The following ZMYND8 variants were observed in gnomAD, a reference collection of about 807,000 sequenced individuals.
ZMYND8 encodes MYND-type zinc finger-containing chromatin reader ZMYND8.
Under a neutral mutation model 140.8 loss-of-function variants are expected in ZMYND8, and 37 were observed. The ratio of observed to expected loss-of-function variants is 0.26; its 90% CI spans 0.20 to 0.35. The LOEUF is 0.35. Ranked by LOEUF, ZMYND8 falls within the 10% of genes least tolerant of loss-of-function variation. The pLI is 1.00. For synonymous variants in ZMYND8, 592 were observed against 597.1 expected (o/e 0.99, Z 0.12); for missense variants, 1,068 against 1,570.0 (o/e 0.68, Z 5.40).
At chr20:47,352,591 G>A in intron 1 of ZMYND8, 2 of 968,078 alleles carry the variant, frequency 2.1e-6, no homozygotes, top group Non-Finnish European at 2.5e-6. Flanking sequence ...GTCATTTACT[G>A]TTACAGGTCT....
intron 2 of ZMYND8, among the ~76,000 whole-genome samples, chr20:47,342,652 C>G (rs1325056836): frequency 6.6e-6 from 1 of 151,392 alleles, no homozygotes; most frequent in Non-Finnish European, 1.5e-5. Flanking sequence ...TCGAGACTAG[C>G]CTGGCCAACA....
intron 14 of ZMYND8, among the ~76,000 whole-genome samples, chr20:47,240,331 A>G (rs1296323510): frequency 6.6e-6 from 1 of 152,030 alleles, no homozygotes; most frequent in African/African-American, 2.4e-5. Flanking sequence ...CCTGGCCAAC[A>G]TAGTGAAACC....
chr20:47,288,515 T>G (rs770844115), intron 7 of ZMYND8, among the ~76,000 whole-genome samples: 25 of 150,458 alleles, frequency 1.7e-4, no homozygotes, highest in Admixed American at 1.3e-3. Context: ...CGCCTCAGCC[T>G]CCAGAGTAGC....
chr20:47,239,196 C>T, intron 14 of ZMYND8, 58 bp from the exon 15 acceptor site: 1 of 1,479,352 alleles, frequency 6.8e-7, no homozygotes, highest in Non-Finnish European at 8.9e-7. Flanking sequence ...GGTTCACCTG[C>T]ACGGTCTTGA....
chr20:47,262,363 G>A lies in ZMYND8; in HGVS notation c.1546C>T (p.Pro516Ser), dbSNP rs887798635. 2.5e-6 allele frequency: 4 copies of A among 1,613,978 alleles called. No homozygotes were observed. The African/African-American group carries it at 5.3e-5, about 22-fold the overall frequency. ...GTCGTGATAGGAGCTGACAGTTGAGGAGAGAAGGGCTTTGGGCTGCCGGAT... is the reference window on the plus strand; with the variant it reads ...GTCGTGATAGGAGCTGACAGTTGAGAAGAGAAGGGCTTTGGGCTGCCGGAT... ...SLSGSPKPFS[P>S]QLSAPITTKT... The change falls in exon 12 of 23, where the codon CCT (proline) becomes TCT (serine). Residue 516 changes from proline to serine, a missense_variant. Pro to Ser is a moderately conservative substitution (Grantham distance 74). Around this residue, in one of 10 missense-constraint regions of ZMYND8, gnomAD observed 173 missense variants for 223.3 expected, o/e 0.77. Transcript: ENST00000471951.
intron 2 of ZMYND8, among the ~76,000 whole-genome samples, chr20:47,342,584 G>T (rs2081987385): frequency 7.0e-6 from 1 of 143,040 alleles, no homozygotes; most frequent in Non-Finnish European, 1.5e-5. Context: ...GGAGGCTCAT[G>T]CCTGTAATCC....
intron 16 of ZMYND8, among the ~76,000 whole-genome samples, chr20:47,234,471 C>G (rs2038953225): frequency 6.6e-6 from 1 of 152,190 alleles, no homozygotes; most frequent in South Asian, 2.1e-4. Context: ...CCTAAATGAC[C>G]TTGAGAGTGG....
intron 19 of ZMYND8, among the ~76,000 whole-genome samples, chr20:47,223,844 G>C (rs1041423622): frequency 6.6e-6 from 1 of 151,328 alleles, no homozygotes; most frequent in African/African-American, 2.4e-5. Context: ...AAAAAAAAAG[G>C]ATAAATTCTA....
chr20:47,236,556 G>A, intron 15 of ZMYND8, 40 bp from the exon 16 acceptor site: 2 of 1,506,572 alleles, frequency 1.3e-6, no homozygotes, highest in Non-Finnish European at 1.8e-6. Context: ...ACGTGGGAAG[G>A]ACCCATCCCA....
At chr20:47,325,635 C>G (rs2080346053) in intron 2 of ZMYND8, among the ~76,000 whole-genome samples, 1 of 152,104 alleles carries the variant, frequency 6.6e-6, no homozygotes, top group South Asian at 2.1e-4. Context: ...CCCATTTCCC[C>G]CAAAAGCAGG....
At chr20:47,275,021 A>G (rs1030028194) in intron 11 of ZMYND8, among the ~76,000 whole-genome samples, 1 of 152,158 alleles carries the variant, frequency 6.6e-6, no homozygotes, top group Non-Finnish European at 1.5e-5. Context: ...GAGAGAGACC[A>G]AGGAAGGAAG....
chr20:47,289,983 AGCACCATGCAGCT>A (rs1226824021), intron 7 of ZMYND8, among the ~76,000 whole-genome samples, 191 bp downstream of exon 7: 2 of 152,268 alleles, frequency 1.3e-5, no homozygotes, highest in Non-Finnish European at 2.9e-5. Flanking sequence ...AAAAGGCAGC[AGCACCATGCAGCT>A]GCAAGCCACT....
chr20:47,326,635 G>A (rs1209378405), intron 2 of ZMYND8, among the ~76,000 whole-genome samples: 1 of 152,118 alleles, frequency 6.6e-6, no homozygotes, highest in Non-Finnish European at 1.5e-5. Flanking sequence ...CTCCCTCTGG[G>A]TTCTCCAAGT....
chr20:47,227,225 G>A lies in ZMYND8; in HGVS notation c.2994C>T (p.Leu998=), dbSNP rs758981092. The A allele has an allele frequency of 6.2e-7, 1 of 1,614,208 alleles. No homozygotes were observed. Among genetic ancestry groups the A allele is most frequent in the Non-Finnish European group, 8.5e-7 (1 of 1,180,030 alleles). Residue 998 remains leucine, a synonymous_variant, in exon 18 of 23, where the codon CTC becomes CTT. Transcript: ENST00000471951. The part of the protein sequence containing the change: ...EKLQWLHQQE[L]SEMKHNLELT... ...TACCTAAGTTGTGTTTCATTTCGGAGAGCTCTTGCTGGTGCAGCCACTGGA... is the reference window on the plus strand; with the variant it reads ...TACCTAAGTTGTGTTTCATTTCGGAAAGCTCTTGCTGGTGCAGCCACTGGA...
intron 8 of ZMYND8, chr20:47,285,832 A>G (rs1466754718): frequency 1.0e-6 from 1 of 983,698 alleles, no homozygotes; most frequent in Non-Finnish European, 1.2e-6. Flanking sequence ...ATTACCTAGG[A>G]AACAGAGAAA....
chr20:47,219,055 A>ATTTTTTTTT (rs3092175), intron 21 of ZMYND8, among the ~76,000 whole-genome samples: 2,186 of 110,758 alleles, frequency 0.02, 116 homozygotes, highest in African/African-American at 0.054. Flanking sequence ...CGTTTCTACA[A>ATTTTTTTTT]TTTTTTTTTT....
intron 11 of ZMYND8, among the ~76,000 whole-genome samples, chr20:47,269,532 G>C (rs1209176275): frequency 1.3e-5 from 2 of 152,226 alleles, no homozygotes; most frequent in Non-Finnish European, 2.9e-5. Flanking sequence ...AATTGCCTCT[G>C]AAGTCACAAA....
At chr20:47,270,112 T>C (rs942306320) in intron 11 of ZMYND8, among the ~76,000 whole-genome samples, 2 of 151,726 alleles carry the variant, frequency 1.3e-5, no homozygotes, top group Admixed American at 6.6e-5. Flanking sequence ...TGGCGCACAC[T>C]TGTACTCCTA....
chr20:47,305,809 AC>A (rs910590215), intron 3 of ZMYND8, among the ~76,000 whole-genome samples: 9 of 151,786 alleles, frequency 5.9e-5, no homozygotes, highest in Non-Finnish European at 1.3e-4. Context: ...AAACCAAAAC[AC>A]CTCCCAACAG....
Sources: gnomAD v4.1 joint callset for allele counts (sites outside exome capture counted in the v4.1 genomes callset) on GRCh38, gnomAD v4.1.1 for gene constraint, gnomAD v4.1.1 regional missense constraint, MANE v1.5 for transcripts, NCBI Gene and HGNC (gene_info 2026-07-23, HGNC 2026-07-21) for gene names.